Variants in LRRC4C observed in about 807,000 individuals in gnomAD.
LRRC4C encodes the protein leucine-rich repeat-containing protein 4C.
A neutral mutation model predicts 33.6 loss-of-function variants in LRRC4C; 5 were observed. The ratio of observed to expected loss-of-function variants is 0.15; its 90% CI spans 0.08 to 0.31. LRRC4C has a LOEUF of 0.31. LRRC4C is among the 10% of genes least tolerant of loss of function. LRRC4C has a pLI of 1.00. For synonymous variants in LRRC4C, 329 were observed against 302.0 expected (o/e 1.09, Z -0.93); for missense variants, 560 against 796.7 (o/e 0.70, Z 3.58).
chr11:41,089,089 T>G (rs1940212013), intron 1 of LRRC4C, among the ~76,000 whole-genome samples: 1 of 152,142 alleles, frequency 6.6e-6, no homozygotes, highest in Middle Eastern at 3.4e-3. Flanking sequence ...TCTAGTAGAA[T>G]GTATTATATC....
chr11:40,442,162 CAAAAAAAAAAA>C (rs1158464665), intron 3 of LRRC4C, among the ~76,000 whole-genome samples: 6 of 56,190 alleles, frequency 1.1e-4, no homozygotes, highest in African/African-American at 1.4e-4. Flanking sequence ...GACTCCATTT[CAAAAAAAAAAA>C]AAAAAAAAAA....
At chr11:40,388,713 C>T (rs1246775604) in intron 3 of LRRC4C, among the ~76,000 whole-genome samples, 1 of 152,146 alleles carries the variant, frequency 6.6e-6, no homozygotes, top group Non-Finnish European at 1.5e-5. Context: ...GGAAGGAATC[C>T]TGAATTGATC....
chr11:40,451,664 C>A (rs1315595358), intron 3 of LRRC4C, among the ~76,000 whole-genome samples: 1 of 151,998 alleles, frequency 6.6e-6, no homozygotes, highest in Admixed American at 6.6e-5. Context: ...AGATTACAGG[C>A]ATAAGCCACT....
chr11:41,061,159 C>T lies in LRRC4C; in HGVS notation c.-495-127436G>A, dbSNP rs138486895. On this transcript the variant is annotated intron_variant, in intron 1 of 6. Transcript: ENST00000528697. Reference sequence around the variant, plus strand: ...TATCATACTATATTGAATAATTCAGCATTTTATTTCAATGGTCTATTCTCA... The same window carrying T: ...TATCATACTATATTGAATAATTCAGTATTTTATTTCAATGGTCTATTCTCA... 2.9e-3 allele frequency among the ~76,000 whole-genome samples: 441 copies of T among 152,210 alleles called. 1 individual carries two copies. Among genetic ancestry groups the T allele is most frequent in the Non-Finnish European group, 3.9e-3 (265 of 68,016 alleles).
At chr11:40,674,820 A>G (rs1994977) in intron 2 of LRRC4C, among the ~76,000 whole-genome samples, 30,822 of 151,998 alleles carry the variant, frequency 0.2, 3,605 homozygotes, top group East Asian at 0.49. Flanking sequence ...TCACCCTTTT[A>G]ATTTCTATCA....
chr11:41,409,404 G>A (rs1954372795), intron 1 of LRRC4C, among the ~76,000 whole-genome samples: 1 of 152,176 alleles, frequency 6.6e-6, no homozygotes, highest in Admixed American at 6.5e-5. Context: ...TAGAAAGTGT[G>A]TTAAGTTGCT....
At chr11:41,046,409 C>T (rs1857777231) in intron 1 of LRRC4C, among the ~76,000 whole-genome samples, 1 of 152,066 alleles carries the variant, frequency 6.6e-6, no homozygotes, top group Admixed American at 6.6e-5. Context: ...AAAAATGAAA[C>T]ACTTGCTCAG....
chr11:40,170,397 A>G (rs185353268), intron 5 of LRRC4C, among the ~76,000 whole-genome samples: 51 of 152,314 alleles, frequency 3.3e-4, no homozygotes, highest in Non-Finnish European at 6.2e-4. Context: ...TGCAGTGCCT[A>G]TTTTAAATCA....
chr11:41,095,413 C>T (rs1940747267), intron 1 of LRRC4C, among the ~76,000 whole-genome samples: 1 of 152,128 alleles, frequency 6.6e-6, no homozygotes, highest in Non-Finnish European at 1.5e-5. Flanking sequence ...GTACTTAATA[C>T]CTACCTTTTG....
At chr11:40,126,824 T>C (rs1856268628) in intron 6 of LRRC4C, among the ~76,000 whole-genome samples, 1 of 151,768 alleles carries the variant, frequency 6.6e-6, no homozygotes, top group South Asian at 2.1e-4. Context: ...ACCAGGTGTG[T>C]TGATGCATCC....
chr11:40,557,198 A>G lies in LRRC4C; in HGVS notation c.-270+90944T>C, dbSNP rs574607791. Among the ~76,000 whole-genome samples, 7 of 152,198 alleles carry G rather than the reference A, an allele frequency of 4.6e-5. 1 individual carries two copies. In the South Asian group the frequency reaches 1.0e-3, roughly 23 times the overall value. Reference sequence around the variant, plus strand: ...TTTTTTAAACATGAGAATCAATTGCATGAATACAAATTACACTCATGTCCA... The same window carrying G: ...TTTTTTAAACATGAGAATCAATTGCGTGAATACAAATTACACTCATGTCCA... On this transcript the variant is annotated intron_variant, in intron 3 of 6. Coordinates refer to ENST00000528697, the MANE Select transcript of LRRC4C (RefSeq NM_001258419.2).
chr11:41,243,471 T>C (rs928815238), intron 1 of LRRC4C, among the ~76,000 whole-genome samples: 1 of 152,220 alleles, frequency 6.6e-6, no homozygotes, highest in Non-Finnish European at 1.5e-5. Context: ...CCTTCCTCAA[T>C]GTTAAGAAGA....
chr11:40,344,560 A>G (rs185775888), intron 3 of LRRC4C, among the ~76,000 whole-genome samples: 13 of 152,326 alleles, frequency 8.5e-5, no homozygotes, highest in African/African-American at 2.4e-4. Context: ...TGAATGGGCA[A>G]AAAGTGTAAG....
intron 1 of LRRC4C, among the ~76,000 whole-genome samples, chr11:41,064,328 G>C (rs566788321): frequency 1.3e-5 from 2 of 152,146 alleles, no homozygotes; most frequent in Non-Finnish European, 2.9e-5. Flanking sequence ...AGCATTCTCT[G>C]CATTCCTGTA....
intron 1 of LRRC4C, among the ~76,000 whole-genome samples, chr11:41,225,301 T>C (rs910958915): frequency 1.1e-4 from 17 of 152,130 alleles, no homozygotes; most frequent in African/African-American, 4.1e-4. Context: ...AGTTACAAAC[T>C]GGATTGTTTG....
At chr11:40,354,468 G>A (rs561547775) in intron 3 of LRRC4C, among the ~76,000 whole-genome samples, 2 of 152,116 alleles carry the variant, frequency 1.3e-5, no homozygotes, top group Non-Finnish European at 2.9e-5. Flanking sequence ...ATGTTTTCTC[G>A]GAGCCAGGGC....
chr11:40,750,497 C>T (rs972105286), intron 2 of LRRC4C, among the ~76,000 whole-genome samples: 9 of 151,886 alleles, frequency 5.9e-5, no homozygotes, highest in Non-Finnish European at 7.4e-5. Context: ...AGTTCATGTC[C>T]TTTGTAGGGA....
chr11:40,296,360 T>C (rs1274059140), intron 4 of LRRC4C, among the ~76,000 whole-genome samples: 2 of 152,212 alleles, frequency 1.3e-5, no homozygotes, highest in African/African-American at 4.8e-5. Flanking sequence ...TTTTCTCATA[T>C]ATATCACCTT....
intron 2 of LRRC4C, among the ~76,000 whole-genome samples, chr11:40,854,837 T>C (rs1953701891): frequency 6.6e-6 from 1 of 151,920 alleles, no homozygotes; most frequent in Non-Finnish European, 1.5e-5. Flanking sequence ...TGTTTTTCAG[T>C]TGGCTGGATA....
Sources: gnomAD v4.1 joint callset for allele counts (sites outside exome capture counted in the v4.1 genomes callset) on GRCh38, gnomAD v4.1.1 for gene constraint, MANE v1.5 for transcripts, NCBI Gene and HGNC (gene_info 2026-07-23, HGNC 2026-07-21) for gene names.